Variants in DEPTOR observed in about 807,000 individuals in gnomAD.
DEPTOR encodes DEP domain containing MTOR interacting protein.
DEPTOR carries 41 observed loss-of-function variants against 41.6 expected under a neutral mutation model. The ratio of observed to expected loss-of-function variants is 0.98; its 90% CI spans 0.77 to 1.28. DEPTOR has a LOEUF of 1.28. Ranked by LOEUF, DEPTOR falls within the 50% of genes most tolerant of loss-of-function variation. The pLI is 0.00. For synonymous variants in DEPTOR, 195 were observed against 192.3 expected, an observed-to-expected ratio of 1.01 and a Z score of -0.12; for missense variants, 514 against 527.9, an observed-to-expected ratio of 0.97 and a Z score of 0.26.
intron 1 of DEPTOR, among the ~76,000 whole-genome samples, chr8:119,883,429 C>A (rs562453485): frequency 6.9e-6 from 1 of 144,086 alleles, no homozygotes; most frequent in African/African-American, 2.6e-5. Flanking sequence ...TAGCCGAGAT[C>A]GCGCCACTGC....
intron 3 of DEPTOR, among the ~76,000 whole-genome samples, chr8:119,951,674 T>C (rs1379225043): frequency 2.6e-5 from 4 of 152,224 alleles, no homozygotes; most frequent in Non-Finnish European, 5.9e-5. Flanking sequence ...CTGTTGCTTA[T>C]GGTATTCACT....
chr8:119,929,790 C>A, intron 2 of DEPTOR, 25 bp from the exon 3 acceptor site: 1 of 1,561,946 alleles, frequency 6.4e-7, no homozygotes, highest in Non-Finnish European at 8.7e-7. Context: ...TTCTCATTTG[C>A]TTCTCTGTGC....
chr8:120,006,075 G>A (rs576819671), intron 6 of DEPTOR, among the ~76,000 whole-genome samples: 1 of 152,236 alleles, frequency 6.6e-6, no homozygotes, highest in East Asian at 1.9e-4. Context: ...ATAAAATGGG[G>A]ATAACAATGA....
At chr8:119,877,532 T>C (rs2131330498) in intron 1 of DEPTOR, among the ~76,000 whole-genome samples, 1 of 152,340 alleles carries the variant, frequency 6.6e-6, no homozygotes, top group African/African-American at 2.4e-5. Flanking sequence ...CTCTAAGTGC[T>C]TCACACACTC....
intron 3 of DEPTOR, among the ~76,000 whole-genome samples, chr8:119,931,183 C>T (rs1828038943): frequency 6.6e-6 from 1 of 152,014 alleles, no homozygotes; most frequent in Non-Finnish European, 1.5e-5. Flanking sequence ...TGCACTCCAA[C>T]CTGGGTGACA....
At chr8:119,874,925 C>G (rs1827212968) in intron 1 of DEPTOR, among the ~76,000 whole-genome samples, 1 of 152,108 alleles carries the variant, frequency 6.6e-6, no homozygotes, top group Admixed American at 6.5e-5. Context: ...TACGCGGGCC[C>G]CTGTTACTTC....
At chr8:120,003,194 A>G (rs1198723705) in intron 6 of DEPTOR, 83 bp downstream of exon 6, 2 of 1,564,652 alleles carry the variant, frequency 1.3e-6, no homozygotes, top group African/African-American at 1.3e-5. Flanking sequence ...AGATAGCGGG[A>G]GACTAGTGTG....
chr8:119,974,207 T>G (rs1191727487), intron 4 of DEPTOR, among the ~76,000 whole-genome samples: 2 of 115,178 alleles, frequency 1.7e-5, no homozygotes, highest in East Asian at 5.6e-4. Flanking sequence ...GGGACCAGCC[T>G]GGGAAACATA....
intron 8 of DEPTOR, among the ~76,000 whole-genome samples, chr8:120,030,558 GTGCAGTGGTGTGA>G (rs1812876813): frequency 7.4e-6 from 1 of 135,300 alleles, no homozygotes; most frequent in African/African-American, 2.8e-5. Flanking sequence ...CTAGGCTGGA[GTGCAGTGGTGTGA>G]TCTTGGTTCA....
chr8:120,021,519 G>A (rs894182850), intron 8 of DEPTOR, among the ~76,000 whole-genome samples: 14 of 152,112 alleles, frequency 9.2e-5, no homozygotes, highest in Non-Finnish European at 1.9e-4. Context: ...AAATAATTGT[G>A]TTACTCAGAG....
intron 8 of DEPTOR, among the ~76,000 whole-genome samples, chr8:120,029,604 C>G (rs916549926): frequency 6.6e-6 from 1 of 152,156 alleles, no homozygotes; most frequent in African/African-American, 2.4e-5. Context: ...CCATATTGGT[C>G]AGGCTGGTCT....
chr8:119,973,060 C>T (rs909518899), intron 4 of DEPTOR, among the ~76,000 whole-genome samples: 4 of 152,032 alleles, frequency 2.6e-5, no homozygotes, highest in Middle Eastern at 3.4e-3. Flanking sequence ...CTGCCTCAGC[C>T]TCCTGAGTAG....
chr8:119,967,415 G>A (rs910298321), intron 4 of DEPTOR, among the ~76,000 whole-genome samples: 9 of 149,296 alleles, frequency 6.0e-5, no homozygotes, highest in Non-Finnish European at 8.8e-5. Context: ...GTTAACCAAC[G>A]TAGGTCAGAT....
chr8:119,925,921 G>A (rs1188305987), intron 1 of DEPTOR, among the ~76,000 whole-genome samples: 3 of 152,110 alleles, frequency 2.0e-5, no homozygotes, highest in Non-Finnish European at 4.4e-5. Context: ...CACCATGCCC[G>A]GCCTGTTGTT....
At chr8:119,988,768 C>A (rs549023510) in intron 4 of DEPTOR, among the ~76,000 whole-genome samples, 1 of 152,246 alleles carries the variant, frequency 6.6e-6, no homozygotes, top group South Asian at 2.1e-4. Flanking sequence ...CAGGTGTGAA[C>A]CACCGTGTCC....
chr8:119,911,385 C>A (rs970444691), intron 1 of DEPTOR, among the ~76,000 whole-genome samples: 1 of 136,722 alleles, frequency 7.3e-6, no homozygotes, highest in Non-Finnish European at 1.5e-5. Flanking sequence ...ATGGCGTGAT[C>A]TTGGCTCACC....
intron 1 of DEPTOR, among the ~76,000 whole-genome samples, chr8:119,876,071 A>G (rs546540614): frequency 1.3e-5 from 2 of 152,298 alleles, no homozygotes; most frequent in East Asian, 1.9e-4. Context: ...CATTTATTTT[A>G]CAAATATTAA....
intron 4 of DEPTOR, among the ~76,000 whole-genome samples, chr8:119,974,822 A>C (rs759288830): frequency 8.6e-5 from 13 of 151,998 alleles, no homozygotes; most frequent in Non-Finnish European, 1.6e-4. Context: ...CTTAAATACC[A>C]TTATTCCCTG....
intron 3 of DEPTOR, among the ~76,000 whole-genome samples, chr8:119,942,194 T>G (rs1368110842): frequency 6.6e-6 from 1 of 152,184 alleles, no homozygotes; most frequent in Non-Finnish European, 1.5e-5. Flanking sequence ...TTGATTTATT[T>G]TTTATTGATT....
Sources: allele counts gnomAD v4.1 joint callset (sites outside exome capture counted in the v4.1 genomes callset), GRCh38; gene constraint gnomAD v4.1.1; transcripts MANE v1.5; gene names NCBI Gene and HGNC (gene_info 2026-07-23, HGNC 2026-07-21).